Variants in VPS53 observed in about 807,000 individuals in gnomAD.
VPS53 encodes vacuolar protein sorting-associated protein 53 homolog.
Under a neutral mutation model 107.0 loss-of-function variants are expected in VPS53, and 70 were observed. The observed-to-expected ratio is 0.65, with a 90% CI of 0.54 to 0.80. The LOEUF (loss-of-function observed/expected upper bound fraction) is 0.80. Among genes scored for constraint, VPS53 ranks in the 30% least tolerant of loss-of-function variants. VPS53 has a pLI of 0.00. For missense variants in VPS53, 917 were observed against 1,049.4 expected (o/e 0.87, Z 1.74); for synonymous variants, 409 against 393.3 (o/e 1.04, Z -0.47).
At chr17:617,079 C>T (rs1969172144) in intron 11 of VPS53, among the ~76,000 whole-genome samples, 2 of 152,190 alleles carry the variant, frequency 1.3e-5, no homozygotes, top group South Asian at 2.1e-4. Context: ...ACCTATTTCC[C>T]GTCCGGTTAT....
intron 13 of VPS53, among the ~76,000 whole-genome samples, chr17:568,463 T>A (rs1285035820): frequency 6.6e-6 from 1 of 151,954 alleles, no homozygotes; most frequent in Admixed American, 6.6e-5. Context: ...CCCAGGCTGG[T>A]CTCGAACTCC....
chr17:559,612 T>C (rs553577455), intron 15 of VPS53, among the ~76,000 whole-genome samples: 3 of 152,374 alleles, frequency 2.0e-5, no homozygotes, highest in African/African-American at 7.2e-5. Flanking sequence ...ACTTCCTATT[T>C]GACCTGCTAT....
Position 515,568 on chromosome 17 carries a change from A to G in VPS53, c.*3560T>C, listed in dbSNP as rs1273997947. 6.6e-6 allele frequency: 1 copy of G among 152,114 alleles called. No homozygotes were observed. Among genetic ancestry groups the G allele is most frequent in the African/African-American group, 2.4e-5 (1 of 41,408 alleles). 9.4% of individuals were successfully genotyped at this position (152,114 alleles called of 1,614,324 possible). On this transcript the variant is annotated 3_prime_UTR_variant, in exon 22 of 22. Transcript: ENST00000437048. ...GAGATGGGGTCTCACTCTGTTGCCC[A>G]GGCTTGTCTTGAAGTCCTGGGCTCA...
chr17:514,931 G>T lies in VPS53; in HGVS notation c.*4197C>A, dbSNP rs7214241. 64,980 of 152,018 alleles carry T rather than the reference G, an allele frequency of 0.43. 13,992 individuals carry two copies. The highest frequency in any genetic ancestry group is 0.54 in the South Asian group (2,612 of 4,794). 9.4% of individuals were successfully genotyped at this position (152,018 alleles called of 1,614,324 possible). On this transcript the variant is annotated 3_prime_UTR_variant, in exon 22 of 22. Coordinates refer to ENST00000437048, the MANE Select transcript of VPS53 (RefSeq NM_001128159.3). Reference sequence around the variant, plus strand: ...TAGCTTCAATCCCTGAGCTGGGTTTGGAGATCAGAACACCTTGTCCATTGC... The same window carrying T: ...TAGCTTCAATCCCTGAGCTGGGTTTTGAGATCAGAACACCTTGTCCATTGC...
At chr17:584,206 C>T (rs907868989) in intron 13 of VPS53, among the ~76,000 whole-genome samples, 3 of 152,208 alleles carry the variant, frequency 2.0e-5, no homozygotes, top group Admixed American at 6.5e-5. Context: ...TGTGAGGCTT[C>T]CTCTGGGAGC....
chr17:628,266 G>A, intron 8 of VPS53, 35 bp from the exon 9 acceptor site: 3 of 1,609,930 alleles, frequency 1.9e-6, no homozygotes, highest in Non-Finnish European at 2.5e-6. Context: ...TGAAAAGCCA[G>A]AAACAACCTT....
chr17:595,535 T>C (rs1967922647), intron 12 of VPS53, among the ~76,000 whole-genome samples: 1 of 3,396 alleles, frequency 2.9e-4, no homozygotes, highest in Non-Finnish European at 1.4e-3. Flanking sequence ...TGCACTCTAG[T>C]GCCCCCCCGG....
intron 15 of VPS53, among the ~76,000 whole-genome samples, chr17:556,513 G>C (rs185100885): frequency 9.7e-4 from 147 of 152,252 alleles, no homozygotes; most frequent in African/African-American, 2.5e-3. Flanking sequence ...ATTTACAATA[G>C]CAATTCATAA....
At chr17:674,866 T>C (rs1225755806) in intron 4 of VPS53, 1 of 152,244 alleles carries the variant, frequency 6.6e-6, no homozygotes, top group Non-Finnish European at 1.5e-5. Context: ...ACAGAACTGA[T>C]GCGGGCCATC....
At chr17:536,028 T>C (rs990372334) in intron 18 of VPS53, among the ~76,000 whole-genome samples, 2 of 152,168 alleles carry the variant, frequency 1.3e-5, no homozygotes, top group Admixed American at 1.3e-4. Flanking sequence ...GCCAAAATGC[T>C]TGCTTGATAA....
intron 11 of VPS53, among the ~76,000 whole-genome samples, chr17:602,769 G>A (rs181065766): frequency 2.0e-5 from 3 of 152,340 alleles, no homozygotes; most frequent in East Asian, 3.9e-4. Flanking sequence ...CACTGATGAC[G>A]TTAATTCCAG....
At chr17:589,068 G>C (rs1015346736) in intron 12 of VPS53, among the ~76,000 whole-genome samples, 2 of 151,714 alleles carry the variant, frequency 1.3e-5, no homozygotes, top group Admixed American at 6.6e-5. Flanking sequence ...ATAATGATAA[G>C]TATTATAGCT....
At chr17:525,996 CAA>C (rs10677094) in intron 19 of VPS53, among the ~76,000 whole-genome samples, 3,655 of 74,488 alleles carry the variant, frequency 0.049, 28 homozygotes, top group African/African-American at 0.072. Context: ...GACATTTTCT[CAA>C]AAAAAAAAAA....
At chr17:681,164 T>C (rs1037045725) in intron 4 of VPS53, among the ~76,000 whole-genome samples, 3 of 152,234 alleles carry the variant, frequency 2.0e-5, no homozygotes, top group Non-Finnish European at 2.9e-5. Flanking sequence ...TGAGAGGGAA[T>C]ATTGCTCTGT....
At chr17:624,824 G>A (rs1969620687) in intron 10 of VPS53, among the ~76,000 whole-genome samples, 1 of 152,108 alleles carries the variant, frequency 6.6e-6, no homozygotes, top group South Asian at 2.1e-4. Flanking sequence ...GGATTTAGAA[G>A]GTGACAATCT....
chr17:592,644 T>C (rs1567657147), intron 12 of VPS53, among the ~76,000 whole-genome samples: 1 of 152,218 alleles, frequency 6.6e-6, no homozygotes, highest in Non-Finnish European at 1.5e-5. Context: ...TCTCCTTCAC[T>C]TATGAAGCTT....
intron 19 of VPS53, among the ~76,000 whole-genome samples, chr17:529,101 T>C (rs1423821696): frequency 6.6e-6 from 1 of 152,200 alleles, no homozygotes; most frequent in Non-Finnish European, 1.5e-5. Context: ...TTTTTTCCGA[T>C]ATGGATATCC....
intron 2 of VPS53, among the ~76,000 whole-genome samples, chr17:709,434 G>T (rs1322060941): frequency 6.6e-6 from 1 of 152,182 alleles, no homozygotes; most frequent in East Asian, 1.9e-4. Context: ...TTTACTAAAT[G>T]AATACATGAA....
At chr17:629,909 G>A (rs1353832307) in intron 8 of VPS53, among the ~76,000 whole-genome samples, 2 of 151,542 alleles carry the variant, frequency 1.3e-5, no homozygotes, top group African/African-American at 4.9e-5. Context: ...AATTTCATCT[G>A]CCCGGTGGAA....
Sources: allele counts gnomAD v4.1 joint callset (sites outside exome capture counted in the v4.1 genomes callset), GRCh38; gene constraint gnomAD v4.1.1; transcripts MANE v1.5; gene names NCBI Gene and HGNC (gene_info 2026-07-23, HGNC 2026-07-21).